Variants in ASTN2 observed in about 807,000 individuals in gnomAD.
The protein encoded by ASTN2 is astrotactin 2, also known as astrotactin-2.
In ASTN2, 54 loss-of-function variants were observed where a neutral mutation model predicts 139.8. The ratio of observed to expected loss-of-function variants is 0.39; its 90% confidence interval spans 0.31 to 0.48. ASTN2 has a LOEUF of 0.48. Ranked by LOEUF, ASTN2 falls within the 20% of genes least tolerant of loss-of-function variation. ASTN2 has a pLI of 0.95. For synonymous variants in ASTN2, 756 were observed against 719.5 expected (o/e 1.05, Z -0.81); for missense variants, 1,565 against 1,725.1 (o/e 0.91, Z 1.64).
intron 1 of ASTN2, among the ~76,000 whole-genome samples, chr9:117,338,518 C>T (rs1397416793): frequency 2.0e-5 from 3 of 152,128 alleles, no homozygotes; most frequent in South Asian, 2.1e-4. Flanking sequence ...AGAAAAGGTC[C>T]TTTCTCTAAG....
chr9:117,234,992 G>A (rs985667365), intron 2 of ASTN2, among the ~76,000 whole-genome samples: 2 of 152,204 alleles, frequency 1.3e-5, no homozygotes, highest in African/African-American at 4.8e-5. Flanking sequence ...CCAGCACTTT[G>A]GGAGGCTGAG....
rs201278158 is a variant in ASTN2, at chr9:117,060,318, AAAAGAAAG to A, written c.1277-20361_1277-20354del. Among the ~76,000 whole-genome samples, 14 of 110,348 alleles carry A rather than the reference AAAAGAAAG, an allele frequency of 1.3e-4. No homozygotes were observed. In the East Asian group the frequency reaches 1.3e-3, roughly 10 times the overall value. The allele number at this position is 110,348 out of a possible 152,430, so 72.4% of individuals were successfully genotyped here. On this transcript the variant is annotated intron_variant, in intron 5 of 22. Coordinates refer to ENST00000313400, the MANE Select transcript of ASTN2 (RefSeq NM_001365068.1). The stretch of plus-strand genomic sequence containing the variant: ...AGAGCAAGACTCTGTCAAAAAAGAA[AAAAGAAAG>A]AAAGAAAGAAAGAAAGAGAGAAAGA...
intron 19 of ASTN2, among the ~76,000 whole-genome samples, chr9:116,608,575 CAA>C (rs1230400642): frequency 6.6e-6 from 1 of 151,880 alleles, no homozygotes; most frequent in Non-Finnish European, 1.5e-5. Flanking sequence ...CTCTTTTGAA[CAA>C]AAGAGTTTGA....
intron 20 of ASTN2, among the ~76,000 whole-genome samples, chr9:116,481,360 T>C (rs1426806268): frequency 6.6e-6 from 1 of 152,080 alleles, no homozygotes; most frequent in Non-Finnish European, 1.5e-5. Flanking sequence ...AGAACCTCAG[T>C]GACAGAGCCA....
At chr9:116,978,677 T>C (rs1216401228) in intron 7 of ASTN2, among the ~76,000 whole-genome samples, 2 of 152,146 alleles carry the variant, frequency 1.3e-5, no homozygotes, top group South Asian at 4.1e-4. Flanking sequence ...TTTTATTTTT[T>C]AAATTGTTAA....
intron 11 of ASTN2, among the ~76,000 whole-genome samples, chr9:116,848,218 T>C (rs1352743534): frequency 6.6e-6 from 1 of 152,202 alleles, no homozygotes; most frequent in African/African-American, 2.4e-5. Flanking sequence ...AGAGGGAAGA[T>C]GACTTGCTTC....
intron 1 of ASTN2, among the ~76,000 whole-genome samples, chr9:117,330,628 T>C (rs895519830): frequency 3.9e-5 from 6 of 152,164 alleles, no homozygotes; most frequent in Non-Finnish European, 7.4e-5. Flanking sequence ...CTCTGTGTCA[T>C]TCTACATGAA....
At chr9:116,704,545 T>C (rs1827941218) in intron 16 of ASTN2, among the ~76,000 whole-genome samples, 1 of 152,188 alleles carries the variant, frequency 6.6e-6, no homozygotes. Flanking sequence ...AAGTACCTAA[T>C]TCAGAAAATG....
At chr9:116,855,428 C>T (rs1482020204) in intron 11 of ASTN2, among the ~76,000 whole-genome samples, 1 of 152,100 alleles carries the variant, frequency 6.6e-6, no homozygotes, top group Non-Finnish European at 1.5e-5. Flanking sequence ...TCTTTACTGG[C>T]TATTCTTATG....
chr9:117,134,289 TATATATACAC>T (rs1334389814), intron 4 of ASTN2, among the ~76,000 whole-genome samples: 400 of 81,336 alleles, frequency 4.9e-3, no homozygotes, highest in African/African-American at 0.017. Flanking sequence ...TATATATATA[TATATATACAC>T]ACACACACAC....
At chr9:117,322,624 G>A (rs1828368738) in intron 1 of ASTN2, among the ~76,000 whole-genome samples, 1 of 152,150 alleles carries the variant, frequency 6.6e-6, no homozygotes, top group Non-Finnish European at 1.5e-5. Context: ...GCTTCCTACA[G>A]TAGCCAAAGA....
chr9:116,966,479 A>T (rs573002603), intron 10 of ASTN2, among the ~76,000 whole-genome samples: 154 of 152,282 alleles, frequency 1.0e-3, no homozygotes, highest in Non-Finnish European at 1.9e-3. Flanking sequence ...GGTGCTGAAC[A>T]ATGTTTGAAG....
rs537071767 is a variant in ASTN2 at position 116,475,466 on chromosome 9, G to A, written c.3497+11893C>T. ...TCCAGCCCACTGAAGGCCAGTAATAGAACATTTCCTGTAGTGATCCAAAAT... is the reference window on the plus strand; with the variant it reads ...TCCAGCCCACTGAAGGCCAGTAATAAAACATTTCCTGTAGTGATCCAAAAT... On this transcript the variant is annotated intron_variant, in intron 20 of 22. Transcript: ENST00000313400. 3.9e-5 allele frequency among the ~76,000 whole-genome samples: 6 copies of A among 152,032 alleles called. No individual in the cohort carries two copies. In the South Asian group the frequency reaches 1.2e-3, roughly 32 times the overall value.
intron 13 of ASTN2, among the ~76,000 whole-genome samples, chr9:116,752,225 A>C (rs934916088): frequency 6.6e-6 from 1 of 152,228 alleles, no homozygotes; most frequent in Non-Finnish European, 1.5e-5. Flanking sequence ...TTAACGCAGA[A>C]GCAAAGGCAG....
chr9:117,180,896 C>A, intron 3 of ASTN2: 6 of 1,589,394 alleles, frequency 3.8e-6, no homozygotes, highest in Non-Finnish European at 5.1e-6. Flanking sequence ...CTGCGCAGGG[C>A]CTCAATTACA....
At chr9:116,913,618 A>G (rs913168030) in intron 10 of ASTN2, among the ~76,000 whole-genome samples, 24 of 152,310 alleles carry the variant, frequency 1.6e-4, no homozygotes, top group African/African-American at 5.1e-4. Context: ...GGCAAGCTTC[A>G]CAGGTGCCAA....
chr9:117,029,912 C>T (rs1004540732), intron 6 of ASTN2, among the ~76,000 whole-genome samples: 2 of 152,016 alleles, frequency 1.3e-5, no homozygotes, highest in Non-Finnish European at 2.9e-5. Context: ...GAGGAAAAGT[C>T]ACAACATTCT....
chr9:117,192,427 G>C (rs1481868789), intron 3 of ASTN2, among the ~76,000 whole-genome samples: 2 of 151,600 alleles, frequency 1.3e-5, no homozygotes, highest in Non-Finnish European at 2.9e-5. Context: ...TACTTTCCAG[G>C]CTGGCTAGTT....
intron 13 of ASTN2, among the ~76,000 whole-genome samples, chr9:116,734,904 C>T (rs1340540914): frequency 6.6e-6 from 1 of 152,180 alleles, no homozygotes; most frequent in African/African-American, 2.4e-5. Flanking sequence ...TCTTCTATAC[C>T]ACCAGCATCA....
Sources: gnomAD v4.1 joint callset for allele counts (sites outside exome capture counted in the v4.1 genomes callset) on GRCh38, gnomAD v4.1.1 for gene constraint, MANE v1.5 for transcripts, NCBI Gene and HGNC (gene_info 2026-07-23, HGNC 2026-07-21) for gene names.